PCDHGA11: variants seen among roughly 807,000 people sequenced by gnomAD.
The protein encoded by PCDHGA11 is protocadherin gamma subfamily A, 11, also known as protocadherin gamma-A11.
In PCDHGA11, 39 loss-of-function variants were observed where a neutral mutation model predicts 60.4. That is an observed-to-expected ratio of 0.65 (90% confidence interval 0.50 to 0.84). The LOEUF (loss-of-function observed/expected upper bound fraction) is 0.84. Among genes scored for constraint, PCDHGA11 ranks in the 40% least tolerant of loss-of-function variants. The pLI, the probability that PCDHGA11 is intolerant of heterozygous loss-of-function variation, is 0.00. For synonymous variants in PCDHGA11, 533 were observed against 510.3 expected, an observed-to-expected ratio of 1.04 and a Z score of -0.60; for missense variants, 1,165 against 1,197.7, an observed-to-expected ratio of 0.97 and a Z score of 0.40.
At position 141,427,408 on chromosome 5, in the gene PCDHGA11, G is replaced by C. The variant is rs975709597; in HGVS notation, c.2433+3748G>C. ...TTCAAAACACATGATAAAGATTCGA[G>C]AGAAAATGGGGAGGTTACATGCCTC... On this transcript the variant is annotated intron_variant, in intron 1 of 3. Coordinates refer to ENST00000398587, the MANE Select transcript of PCDHGA11 (RefSeq NM_018914.3). The C allele has an allele frequency of 1.3e-5, 6 of 463,300 alleles. No homozygotes were observed. In the Admixed American group the frequency reaches 1.4e-4, roughly 11 times the overall value. The allele number at this position is 463,300 out of a possible 1,614,324, so 28.7% of individuals were successfully genotyped here. A position where few individuals can be genotyped will look rare whatever the true frequency, so the allele number is the denominator to read the frequency against.
chr5:141,441,885 CA>C, intron 1 of PCDHGA11: 1 of 345,036 alleles, frequency 2.9e-6, no homozygotes. Context: ...ACCTGGTCAC[CA>C]AGGTGGTGGC....
chr5:141,428,536 A>G (rs981530261), intron 1 of PCDHGA11: 1 of 273,778 alleles, frequency 3.7e-6, no homozygotes, highest in Non-Finnish European at 7.2e-6. Flanking sequence ...TTTTCTCACC[A>G]TGACACCAGA....
At chr5:141,437,659 C>T (rs1006268414) in intron 1 of PCDHGA11, among the ~76,000 whole-genome samples, 10 of 151,870 alleles carry the variant, frequency 6.6e-5, no homozygotes, top group East Asian at 3.9e-4. Context: ...CACATAGTTT[C>T]GAAGAGATGT....
intron 2 of PCDHGA11, among the ~76,000 whole-genome samples, chr5:141,501,290 T>TACAC (rs55762287): frequency 0.051 from 6,975 of 136,060 alleles, 192 homozygotes; most frequent in African/African-American, 0.071. Context: ...TATTCCCTTA[T>TACAC]ACACACACAC....
At chr5:141,423,982 T>C in intron 1 of PCDHGA11, 3 of 1,106,134 alleles carry the variant, frequency 2.7e-6, no homozygotes, top group Non-Finnish European at 3.4e-6. Flanking sequence ...TGTATGAGGC[T>C]CTCAATTTAT....
Position 141,432,098 on chromosome 5 carries a change from G to A in PCDHGA11, c.2433+8438G>A. 1.2e-6 allele frequency: 2 copies of A among 1,614,056 alleles called. No homozygotes were observed. Among genetic ancestry groups the A allele is most frequent in the Non-Finnish European group, 1.7e-6 (2 of 1,180,002 alleles). ...CTCGCTGAACGTGGCAGACACCAAC[G>A]ACAACCCGCCGGTCTTCCCTCAGGC... On this transcript the variant is annotated intron_variant, in intron 1 of 3. Transcript: ENST00000398587. The surrounding 1 kb of genome is among the most constrained non-coding windows in gnomAD (Gnocchi z 6.0).
intron 1 of PCDHGA11, among the ~76,000 whole-genome samples, chr5:141,450,572 T>C (rs1276283357): frequency 6.6e-6 from 1 of 151,710 alleles, no homozygotes; most frequent in Non-Finnish European, 1.5e-5. Context: ...CTGCAACTTC[T>C]GCCTCCCAGG....
At chr5:141,496,048 G>A (rs1327057788) in intron 2 of PCDHGA11, among the ~76,000 whole-genome samples, 1 of 148,400 alleles carries the variant, frequency 6.7e-6, no homozygotes, top group Non-Finnish European at 1.5e-5. Context: ...TCATTTTTTT[G>A]TGCTTGTGGG....
rs752323344 is a variant in PCDHGA11, at chr5:141,422,929, C to A, written c.1702C>A (p.Leu568Ile). The A allele has an allele frequency of 5.0e-6, 8 of 1,614,260 alleles. No homozygotes were observed. Among genetic ancestry groups the A allele is most frequent in the Middle Eastern group, 3.3e-4 (2 of 6,062 alleles). Residue 568 changes from leucine (L) to isoleucine (I), a missense_variant, in exon 1 of 4, where the codon CTC becomes ATC. Coordinates refer to ENST00000398587, the MANE Select transcript of PCDHGA11 (RefSeq NM_018914.3). Reference protein sequence around the residue: ...DNAPEILYPALPTDGSTGVEL... With the variant: ...DNAPEILYPAIPTDGSTGVEL... ...TGCGCCCGAGATCCTGTACCCTGCC[C>A]TCCCCACAGACGGCTCCACTGGCGT...
Position 141,485,436 on chromosome 5 carries a change from A to G in PCDHGA11, c.2434-9371A>G, listed in dbSNP as rs2099613369. On this transcript the variant is annotated intron_variant, in intron 1 of 3. Transcript: ENST00000398587. This position sits in a 1 kb window ranked among gnomAD's most constrained non-coding sequence, Gnocchi z 5.7. ...GACAGCGGAGCCCTGCTCATCAAGA[A>G]CCCAATCGACCGAGAGGCACTGTGT... 1.9e-6 allele frequency: 3 copies of G among 1,614,092 alleles called. No individual in the cohort carries two copies. The highest frequency in any genetic ancestry group is 2.7e-5 in the African/African-American group (2 of 74,934).
chr5:141,422,217 C>T lies in PCDHGA11; in HGVS notation c.990C>T (p.Thr330=), dbSNP rs1207888890. 1.3e-6 allele frequency: 2 copies of T among 1,563,582 alleles called. No homozygotes were observed. The highest frequency in any genetic ancestry group is 2.0e-5 in the Admixed American group (1 of 49,622). ...GCCAAGATGGTGGAGGTCTCTTTAC[C>T]ACCACGACGATGTTGATCACTGTTG... ...IQGQDGGGLF[T]TTTMLITVVD... Residue 330 remains threonine, a synonymous_variant, in exon 1 of 4, where the codon ACC becomes ACT. Transcript: ENST00000398587.
rs764363553 is a variant in PCDHGA11 at position 141,432,120 on chromosome 5, A to C, written c.2433+8460A>C. The C allele has an allele frequency of 1.2e-6, 2 of 1,613,978 alleles. No homozygotes were observed. Among genetic ancestry groups the C allele is most frequent in the African/African-American group, 2.7e-5 (2 of 74,894 alleles). ...AACGACAACCCGCCGGTCTTCCCTC[A>C]GGCCTCCTATTCCGCTTATATCCCA... On this transcript the variant is annotated intron_variant, in intron 1 of 3. Transcript: ENST00000398587. The surrounding 1 kb of genome is among the most constrained non-coding windows in gnomAD (Gnocchi z 6.0).
intron 2 of PCDHGA11, among the ~76,000 whole-genome samples, chr5:141,502,401 G>A (rs191747075): frequency 2.0e-5 from 3 of 151,874 alleles, no homozygotes; most frequent in Admixed American, 1.3e-4. Flanking sequence ...AAATGTCCCC[G>A]AACCTGGATT....
intron 1 of PCDHGA11, chr5:141,471,515 T>C (rs931181988): frequency 2.6e-5 from 4 of 152,276 alleles, no homozygotes; most frequent in African/African-American, 9.6e-5. Context: ...GGAGTAAAAA[T>C]AACAGCGAGG....
chr5:141,510,862 C>CATTCA, intron 3 of PCDHGA11, 85 bp from the exon 4 acceptor site: 1 of 1,606,772 alleles, frequency 6.2e-7, no homozygotes, highest in South Asian at 1.1e-5. Flanking sequence ...GCTGTATAGG[C>CATTCA]ATTCATTAAC....
intron 2 of PCDHGA11, among the ~76,000 whole-genome samples, chr5:141,497,158 T>A (rs2099774560): frequency 6.6e-6 from 1 of 151,860 alleles, no homozygotes; most frequent in African/African-American, 2.4e-5. Flanking sequence ...AAAAATAATC[T>A]AGCCACAAAT....
chr5:141,489,096 ACT>A lies in PCDHGA11; in HGVS notation c.2434-5710_2434-5709del. The A allele has an allele frequency of 2.0e-6, 1 of 494,278 alleles. No individual in the cohort carries two copies. The allele number at this position is 494,278 out of a possible 1,614,324, so 30.6% of individuals were successfully genotyped here. A position where few individuals can be genotyped will look rare whatever the true frequency, so the allele number is the denominator to read the frequency against. ...CACCCCCGCCACTCGGTGACTAAGA[ACT>A]GCTGCAAGCAGGCAAACCTCCGAGC... On this transcript the variant is annotated intron_variant, in intron 1 of 3. Coordinates refer to ENST00000398587, the MANE Select transcript of PCDHGA11 (RefSeq NM_018914.3). The surrounding 1 kb of genome is among the most constrained non-coding windows in gnomAD (Gnocchi z 4.5).
intron 1 of PCDHGA11, among the ~76,000 whole-genome samples, chr5:141,430,347 A>C (rs2097274758): frequency 6.6e-6 from 1 of 151,944 alleles, no homozygotes; most frequent in Non-Finnish European, 1.5e-5. Flanking sequence ...CTTCCAATTC[A>C]TTTAAAAGCT....
chr5:141,442,321 C>G (rs1323525940), intron 1 of PCDHGA11: 1 of 152,360 alleles, frequency 6.6e-6, no homozygotes, highest in African/African-American at 2.4e-5. Context: ...ATGTCTATCC[C>G]GCGCTAAGCC....
Sources: allele counts gnomAD v4.1 joint callset (sites outside exome capture counted in the v4.1 genomes callset), GRCh38; gene constraint gnomAD v4.1.1; non-coding constraint Gnocchi (gnomAD v3.1); transcripts MANE v1.5; gene names NCBI Gene and HGNC (gene_info 2026-07-23, HGNC 2026-07-21).